FHOD3: variants seen among roughly 807,000 people sequenced by gnomAD.
The protein encoded by FHOD3 is formin homology 2 domain containing 3.
A neutral mutation model predicts 173.0 loss-of-function variants in FHOD3; 90 were observed. That is an observed-to-expected ratio of 0.52 (90% confidence interval 0.44 to 0.62). The LOEUF (loss-of-function observed/expected upper bound fraction) is 0.62. Among genes scored for constraint, FHOD3 ranks in the 20% least tolerant of loss-of-function variants. FHOD3 has a pLI of 0.00. For synonymous variants in FHOD3, 828 were observed against 823.0 expected, an observed-to-expected ratio of 1.01 and a Z score of -0.10; for missense variants, 1,945 against 2,034.7, an observed-to-expected ratio of 0.96 and a Z score of 0.85.
chr18:36,386,785 A>G (rs1160392096), intron 3 of FHOD3, among the ~76,000 whole-genome samples: 1 of 152,038 alleles, frequency 6.6e-6, no homozygotes, highest in African/African-American at 2.4e-5. Flanking sequence ...CTGGGGTCTT[A>G]CTTGAGGCCT....
intron 5 of FHOD3, among the ~76,000 whole-genome samples, chr18:36,558,723 T>A (rs2057983906): frequency 6.6e-6 from 1 of 152,328 alleles, no homozygotes; most frequent in African/African-American, 2.4e-5. Flanking sequence ...AGTGGTTTAT[T>A]TTAAATGACA....
intron 3 of FHOD3, among the ~76,000 whole-genome samples, chr18:36,430,147 T>A (rs535141551): frequency 6.5e-4 from 99 of 152,366 alleles, no homozygotes; most frequent in Non-Finnish European, 1.3e-3. Context: ...TTGGTGTTAA[T>A]GATCTAAATT....
chr18:36,515,973 T>C (rs1307562063), intron 5 of FHOD3, among the ~76,000 whole-genome samples: 1 of 152,194 alleles, frequency 6.6e-6, no homozygotes, highest in African/African-American at 2.4e-5. Context: ...CCAAAGCTCA[T>C]ACCAGGAAAG....
Position 36,425,786 on chromosome 18 carries a change from G to A in FHOD3, c.337+53042G>A, listed in dbSNP as rs903947430. On this transcript the variant is annotated intron_variant, in intron 3 of 28. Transcript: ENST00000590592. ...GTAAATGAGGGCATGTGTTGAGTGT[G>A]TACCTATAATTGGTAGTTGGAATAA... Among the ~76,000 whole-genome samples the A allele has an allele frequency of 4.6e-5, 7 of 152,140 alleles. 1 individual carries two copies. The highest frequency in any genetic ancestry group is 4.6e-4 in the Admixed American group (7 of 15,280).
chr18:36,615,254 T>C (rs1278749014), intron 9 of FHOD3, among the ~76,000 whole-genome samples: 1 of 152,232 alleles, frequency 6.6e-6, no homozygotes, highest in Non-Finnish European at 1.5e-5. Context: ...CTATGGGTTG[T>C]ATTTTTCCAC....
At chr18:36,677,344 G>T (rs1418381030) in intron 14 of FHOD3, among the ~76,000 whole-genome samples, 1 of 152,042 alleles carries the variant, frequency 6.6e-6, no homozygotes, top group African/African-American at 2.4e-5. Flanking sequence ...GTAGAGACAG[G>T]CTTCTCCACG....
chr18:36,719,449 A>G (rs1158162306), intron 19 of FHOD3, among the ~76,000 whole-genome samples: 2 of 152,232 alleles, frequency 1.3e-5, no homozygotes. Flanking sequence ...GGGATCACAG[A>G]TTTTATATCT....
At chr18:36,507,566 TC>T (rs755186070) in intron 4 of FHOD3, among the ~76,000 whole-genome samples, 1 of 152,202 alleles carries the variant, frequency 6.6e-6, no homozygotes, top group Non-Finnish European at 1.5e-5. Context: ...GCCAGGCCTT[TC>T]GTGCCTAGCA....
intron 2 of FHOD3, among the ~76,000 whole-genome samples, chr18:36,360,788 C>T (rs1256036586): frequency 6.6e-6 from 1 of 152,164 alleles, no homozygotes; most frequent in Non-Finnish European, 1.5e-5. Context: ...TCAAAGAGGT[C>T]TTTGCCTCTC....
At chr18:36,675,149 G>A (rs1215331994) in intron 14 of FHOD3, among the ~76,000 whole-genome samples, 1 of 152,106 alleles carries the variant, frequency 6.6e-6, no homozygotes, top group African/African-American at 2.4e-5. Context: ...GGGAAGGCTG[G>A]CTAATCATGT....
intron 3 of FHOD3, among the ~76,000 whole-genome samples, chr18:36,380,045 C>T (rs1372393287): frequency 1.3e-5 from 2 of 151,670 alleles, no homozygotes; most frequent in African/African-American, 2.4e-5. Context: ...TTAGAAATAC[C>T]TAATGGGAAG....
chr18:36,583,006 C>T (rs371271109), intron 6 of FHOD3, among the ~76,000 whole-genome samples: 10 of 152,292 alleles, frequency 6.6e-5, no homozygotes, highest in East Asian at 5.8e-4. Context: ...GAATTCTGTT[C>T]TGCTTCTTTC....
intron 14 of FHOD3, among the ~76,000 whole-genome samples, chr18:36,660,561 C>T (rs576095618): frequency 4.6e-5 from 7 of 152,248 alleles, no homozygotes; most frequent in African/African-American, 1.2e-4. Context: ...AGTTGGCTGC[C>T]GCCTGGAGGG....
intron 10 of FHOD3, among the ~76,000 whole-genome samples, chr18:36,635,117 G>T (rs1359049349): frequency 6.6e-6 from 1 of 152,190 alleles, no homozygotes; most frequent in African/African-American, 2.4e-5. Context: ...CTGGAGAGAA[G>T]AGGTCTGGGA....
intron 3 of FHOD3, among the ~76,000 whole-genome samples, chr18:36,480,220 G>T (rs1357759490): frequency 6.6e-6 from 1 of 152,126 alleles, no homozygotes; most frequent in Non-Finnish European, 1.5e-5. Context: ...TGCTCCAGGG[G>T]CCCCTACTGT....
intron 3 of FHOD3, among the ~76,000 whole-genome samples, chr18:36,411,516 A>G (rs1381867250): frequency 6.6e-6 from 1 of 152,206 alleles, no homozygotes; most frequent in Non-Finnish European, 1.5e-5. Context: ...TCTGGCCTCT[A>G]AACACCTTTT....
intron 5 of FHOD3, among the ~76,000 whole-genome samples, chr18:36,564,908 T>C (rs1250055202): frequency 6.6e-6 from 1 of 152,208 alleles, no homozygotes; most frequent in Non-Finnish European, 1.5e-5. Flanking sequence ...GCATTGCAAA[T>C]GCTGCTAAAT....
At chr18:36,483,016 C>T (rs571438789) in intron 3 of FHOD3, among the ~76,000 whole-genome samples, 151 of 152,194 alleles carry the variant, frequency 9.9e-4, no homozygotes, top group Non-Finnish European at 1.6e-3. Flanking sequence ...CCTGTGTGGG[C>T]TCAGAATAGT....
intron 16 of FHOD3, 31 bp downstream of exon 16, chr18:36,687,209 A>T (rs770795520): frequency 6.5e-7 from 1 of 1,534,584 alleles, no homozygotes; most frequent in South Asian, 1.1e-5. Context: ...CCATTGTAAC[A>T]AATGGCATGT....
Sources: gnomAD v4.1 joint callset for allele counts (sites outside exome capture counted in the v4.1 genomes callset) on GRCh38, gnomAD v4.1.1 for gene constraint, MANE v1.5 for transcripts, NCBI Gene and HGNC (gene_info 2026-07-23, HGNC 2026-07-21) for gene names.